Variants in NLK observed in about 807,000 individuals in gnomAD.
NLK encodes the protein serine/threonine-protein kinase NLK.
Under a neutral mutation model 59.0 loss-of-function variants are expected in NLK, and 11 were observed. The ratio of observed to expected loss-of-function variants is 0.19; its 90% CI spans 0.12 to 0.31. The LOEUF is 0.31. Ranked by LOEUF, NLK falls within the 10% of genes least tolerant of loss-of-function variation. The pLI, the probability that NLK is intolerant of heterozygous loss-of-function variation, is 1.00. For synonymous variants in NLK, 235 were observed against 235.9 expected, an observed-to-expected ratio of 1.00 and a Z score of 0.03; for missense variants, 410 against 661.1, an observed-to-expected ratio of 0.62 and a Z score of 4.16.
the NLK span, among the ~76,000 whole-genome samples, chr17:28,203,164 TACACACACACACACACAC>T: frequency 1.5e-5 from 2 of 137,018 alleles, no homozygotes; most frequent in East Asian, 2.1e-4. Context: ...TATACATACA[TACACACACACACACACAC>T]ACACACACAC....
chr17:28,111,939 G>GTGTA (rs1905538300), intron 1 of NLK, among the ~76,000 whole-genome samples: 1 of 146,494 alleles, frequency 6.8e-6, no homozygotes, highest in African/African-American at 2.6e-5. Flanking sequence ...GTGTGTGTGT[G>GTGTA]TGTGTGTATG....
chr17:28,202,139 T>C, the NLK span, among the ~76,000 whole-genome samples: 1 of 152,226 alleles, frequency 6.6e-6, no homozygotes, highest in East Asian at 1.9e-4. Flanking sequence ...CTCAGACCTG[T>C]AATCCCAACA....
intron 1 of NLK, among the ~76,000 whole-genome samples, chr17:28,099,172 GAAA>G (rs1248062656): frequency 6.6e-6 from 1 of 151,962 alleles, no homozygotes; most frequent in Admixed American, 6.6e-5. Flanking sequence ...AAGTCTATGA[GAAA>G]AAAATAATAT....
At chr17:28,141,242 CTT>C (rs1177533715) in intron 3 of NLK, among the ~76,000 whole-genome samples, 2 of 152,172 alleles carry the variant, frequency 1.3e-5, no homozygotes, top group Non-Finnish European at 2.9e-5. Context: ...GAAACAGACT[CTT>C]TGATATACTT....
intron 1 of NLK, among the ~76,000 whole-genome samples, chr17:28,046,944 TC>T (rs1337437989): frequency 1.3e-5 from 2 of 152,222 alleles, no homozygotes; most frequent in Non-Finnish European, 2.9e-5. Context: ...CTTTGTGTAC[TC>T]CAAGTAATGT....
At chr17:28,154,195 A>G (rs1907604100) in intron 3 of NLK, among the ~76,000 whole-genome samples, 1 of 152,218 alleles carries the variant, frequency 6.6e-6, no homozygotes, top group African/African-American at 2.4e-5. Flanking sequence ...AATGTCAGAA[A>G]GTCTCAGGAA....
At chr17:28,176,536 G>A (rs988000901) in intron 7 of NLK, among the ~76,000 whole-genome samples, 1 of 152,134 alleles carries the variant, frequency 6.6e-6, no homozygotes, top group African/African-American at 2.4e-5. Flanking sequence ...AAGATTAACA[G>A]AAGTTAAATA....
At chr17:28,182,096 T>G (rs897681060) in intron 7 of NLK, among the ~76,000 whole-genome samples, 1 of 152,190 alleles carries the variant, frequency 6.6e-6, no homozygotes, top group African/African-American at 2.4e-5. Flanking sequence ...CATTTTATAC[T>G]TAAAGATACC....
At chr17:28,073,065 C>A (rs75447869) in intron 1 of NLK, among the ~76,000 whole-genome samples, 1 of 151,604 alleles carries the variant, frequency 6.6e-6, no homozygotes, top group East Asian at 1.9e-4. Context: ...AGTAGTACCA[C>A]CTACTTTTAA....
chr17:28,087,351 G>A (rs973235852), intron 1 of NLK, among the ~76,000 whole-genome samples: 1 of 152,208 alleles, frequency 6.6e-6, no homozygotes, highest in Admixed American at 6.5e-5. Flanking sequence ...GTATTAACAA[G>A]TGGTATTTGA....
At position 28,152,992 on chromosome 17, in the gene NLK, G is replaced by A. The variant is rs114517710; in HGVS notation, c.645-8168G>A. 6.0e-3 allele frequency among the ~76,000 whole-genome samples: 906 copies of A among 149,764 alleles called. 9 individuals carry two copies. Among genetic ancestry groups the A allele is most frequent in the African/African-American group, 0.021 (867 of 40,836 alleles). ...TTTCCTGTATAAAAGCTCAAGTTTC[G>A]GCCAGGCACAGTGGCTCATGCCTGT... On this transcript the variant is annotated intron_variant, in intron 3 of 10. Transcript: ENST00000407008.
intron 5 of NLK, among the ~76,000 whole-genome samples, chr17:28,164,669 G>A (rs1908150249): frequency 6.6e-6 from 1 of 152,040 alleles, no homozygotes. Context: ...AATAGAGAGA[G>A]GTCCACTATA....
At chr17:28,107,203 G>A (rs1292477020) in intron 1 of NLK, among the ~76,000 whole-genome samples, 1 of 152,136 alleles carries the variant, frequency 6.6e-6, no homozygotes, top group African/African-American at 2.4e-5. Flanking sequence ...GGAGGCTGAG[G>A]TGGGTGGATC....
rs1357146008 is a variant in NLK at position 28,195,606 on chromosome 17, A to G, written c.*970A>G. On this transcript the variant is annotated 3_prime_UTR_variant, in exon 11 of 11. Transcript: ENST00000407008. ...AAAGGCACATAGGGAATTATGTCAA[A>G]TGTGTTTGTGTCCTTAGGCAAAGCT... is the stretch of plus-strand genomic sequence containing the variant. 1 of 152,628 alleles carries G rather than the reference A, an allele frequency of 6.6e-6. No individual in the cohort carries two copies. The highest frequency in any genetic ancestry group is 2.4e-5 in the African/African-American group (1 of 41,458). The allele number at this position is 152,628 out of a possible 1,614,324, so 9.5% of individuals were successfully genotyped here. A position where few individuals can be genotyped will look rare whatever the true frequency, so the allele number is the denominator to read the frequency against.
In NLK at chr17:28,044,522, T is replaced by C. The variant is rs111346415; in HGVS notation, c.458+1191T>C. Among the ~76,000 whole-genome samples the C allele has an allele frequency of 2.8e-3, 431 of 152,354 alleles. 4 individuals are homozygous for C. Among genetic ancestry groups the C allele is most frequent in the African/African-American group, 9.6e-3 (399 of 41,576 alleles). ...AAAAAAACTAGTAGAGTCCAGTGTT[T>C]TCTCAGCTAGTCCCCAAGGAAGTTT... On this transcript the variant is annotated intron_variant, in intron 1 of 10. Coordinates refer to ENST00000407008, the MANE Select transcript of NLK (RefSeq NM_016231.5).
chr17:28,061,122 A>G (rs1022526149), intron 1 of NLK, among the ~76,000 whole-genome samples: 1 of 152,192 alleles, frequency 6.6e-6, no homozygotes, highest in Non-Finnish European at 1.5e-5. Flanking sequence ...CTCAGGCTCA[A>G]GCGATCCTCC....
At chr17:28,110,884 G>A (rs1054162582) in intron 1 of NLK, among the ~76,000 whole-genome samples, 2 of 150,868 alleles carry the variant, frequency 1.3e-5, no homozygotes, top group African/African-American at 2.4e-5. Context: ...TCGCTCTGTC[G>A]CCCAGGCTGG....
At chr17:28,105,433 A>G (rs1905043581) in intron 1 of NLK, among the ~76,000 whole-genome samples, 1 of 151,930 alleles carries the variant, frequency 6.6e-6, no homozygotes, top group South Asian at 2.1e-4. Context: ...GGTAGTATAA[A>G]CTCTTAAAAA....
intron 1 of NLK, among the ~76,000 whole-genome samples, chr17:28,078,805 GT>G (rs1910252374): frequency 6.6e-6 from 1 of 151,984 alleles, no homozygotes; most frequent in African/African-American, 2.4e-5. Flanking sequence ...AAGTTCATCT[GT>G]AGTCCTAGCA....
Sources: allele counts gnomAD v4.1 joint callset (sites outside exome capture counted in the v4.1 genomes callset), GRCh38; gene constraint gnomAD v4.1.1; transcripts MANE v1.5; gene names NCBI Gene and HGNC (gene_info 2026-07-23, HGNC 2026-07-21).